SLC25A26: variants seen among roughly 807,000 people sequenced by gnomAD.
The protein encoded by SLC25A26 is mitochondrial S-adenosylmethionine carrier protein.
A neutral mutation model predicts 37.8 loss-of-function variants in SLC25A26; 36 were observed. The observed-to-expected ratio is 0.95, with a 90% CI of 0.73 to 1.26. The LOEUF is 1.26. Ranked by LOEUF, SLC25A26 falls within the 50% of genes most tolerant of loss-of-function variation. SLC25A26 has a pLI of 0.00. For synonymous variants in SLC25A26, 129 were observed against 122.5 expected (o/e 1.05, Z -0.35); for missense variants, 390 against 331.1 (o/e 1.18, Z -1.38).
intron 7 of SLC25A26, among the ~76,000 whole-genome samples, chr3:66,368,893 C>T (rs574986680): frequency 1.5e-4 from 23 of 152,062 alleles, no homozygotes; most frequent in African/African-American, 5.1e-4. Flanking sequence ...TGGTGCGCAG[C>T]TGTAGTCCCA....
At chr3:66,160,676 T>C (rs1576603507) in intron 1 of SLC25A26, among the ~76,000 whole-genome samples, 1 of 152,352 alleles carries the variant, frequency 6.6e-6, no homozygotes, top group Non-Finnish European at 1.5e-5. Flanking sequence ...GGCTCATGCC[T>C]GTAATCCCAG....
At chr3:66,150,601 GAGATATATATATAT>G (rs1423304732) in intron 1 of SLC25A26, among the ~76,000 whole-genome samples, 3 of 40,844 alleles carry the variant, frequency 7.3e-5, no homozygotes, top group Admixed American at 4.2e-4. Context: ...TATATGTAAT[GAGATATATATATAT>G]ATATATATAT....
intron 5 of SLC25A26, among the ~76,000 whole-genome samples, chr3:66,269,332 C>G (rs2073874313): frequency 6.6e-6 from 1 of 152,116 alleles, no homozygotes; most frequent in South Asian, 2.1e-4. Context: ...AATGAGAGGC[C>G]AGACAACTGT....
chr3:66,257,528 T>A (rs910207223), intron 3 of SLC25A26, among the ~76,000 whole-genome samples: 3 of 152,110 alleles, frequency 2.0e-5, no homozygotes, highest in Admixed American at 1.3e-4. Context: ...ACCCCGAGGC[T>A]GAGGGATGGG....
intron 1 of SLC25A26, among the ~76,000 whole-genome samples, chr3:66,206,108 T>A (rs2071172969): frequency 6.6e-6 from 1 of 152,080 alleles, no homozygotes; most frequent in Non-Finnish European, 1.5e-5. Flanking sequence ...ATAGCTCAGT[T>A]GTGCCTGCAA....
At chr3:66,236,449 A>G (rs375491641) in intron 1 of SLC25A26, 95 bp from the exon 2 acceptor site, 21 of 957,256 alleles carry the variant, frequency 2.2e-5, no homozygotes, top group Non-Finnish European at 2.8e-5. Context: ...AATGTGCTTT[A>G]AAGACTGTCT....
intron 1 of SLC25A26, among the ~76,000 whole-genome samples, chr3:66,150,784 G>A (rs753519577): frequency 3.6e-4 from 54 of 150,876 alleles, no homozygotes; most frequent in Middle Eastern, 3.4e-3. Context: ...AGTAGTAAAT[G>A]AAGACATCTC....
At chr3:66,174,204 C>T (rs555751962) in intron 1 of SLC25A26, among the ~76,000 whole-genome samples, 3 of 152,284 alleles carry the variant, frequency 2.0e-5, no homozygotes, top group Admixed American at 2.0e-4. Flanking sequence ...CAGATAGTTC[C>T]TGAACAGCTC....
chr3:66,259,488 C>G (rs575845640), intron 3 of SLC25A26, among the ~76,000 whole-genome samples: 16 of 152,278 alleles, frequency 1.1e-4, no homozygotes, highest in African/African-American at 3.6e-4. Flanking sequence ...CTGCTAATCT[C>G]ATGTTTTGGG....
intron 5 of SLC25A26, among the ~76,000 whole-genome samples, chr3:66,344,242 C>A (rs917921296): frequency 2.6e-5 from 4 of 152,098 alleles, no homozygotes; most frequent in African/African-American, 4.8e-5. Flanking sequence ...GTGGGCGGAT[C>A]ACCTGAGGTC....
At chr3:66,333,890 T>C (rs2076034879) in intron 5 of SLC25A26, among the ~76,000 whole-genome samples, 2 of 151,962 alleles carry the variant, frequency 1.3e-5, no homozygotes, top group Admixed American at 1.3e-4. Flanking sequence ...TTACAGAGAG[T>C]GCAAGTCTTC....
At chr3:66,299,894 G>A (rs1205644755) in intron 5 of SLC25A26, among the ~76,000 whole-genome samples, 1 of 152,096 alleles carries the variant, frequency 6.6e-6, no homozygotes, top group African/African-American at 2.4e-5. Context: ...CATTTTATGG[G>A]TGACATATTT....
At chr3:66,135,130 C>G (rs2069928317) in intron 1 of SLC25A26, among the ~76,000 whole-genome samples, 2 of 152,144 alleles carry the variant, frequency 1.3e-5, no homozygotes, top group Admixed American at 1.3e-4. Context: ...CATGCCCGGC[C>G]TGTCAATATT....
intron 1 of SLC25A26, among the ~76,000 whole-genome samples, chr3:66,201,927 G>C (rs1320822265): frequency 1.3e-5 from 2 of 152,120 alleles, no homozygotes; most frequent in Admixed American, 6.5e-5. Context: ...TAGGACAAAA[G>C]AGTGAAAGCA....
intron 5 of SLC25A26, among the ~76,000 whole-genome samples, chr3:66,309,082 G>T (rs1160675614): frequency 6.6e-6 from 1 of 152,094 alleles, no homozygotes; most frequent in Admixed American, 6.6e-5. Flanking sequence ...TTCTTTTTCT[G>T]TTGTTTGGAA....
chr3:66,175,107 G>GTATATATATA (rs1201695553), intron 1 of SLC25A26, among the ~76,000 whole-genome samples: 1,277 of 78,500 alleles, frequency 0.016, 7 homozygotes, highest in Admixed American at 0.031. Flanking sequence ...ATATGTGTGT[G>GTATATATATA]TGTATATATA....
intron 5 of SLC25A26, among the ~76,000 whole-genome samples, chr3:66,344,857 A>G (rs758352096): frequency 6.6e-6 from 1 of 152,232 alleles, no homozygotes; most frequent in Non-Finnish European, 1.5e-5. Flanking sequence ...TCCTGGGGAT[A>G]GTAGTAGTTA....
intron 5 of SLC25A26, among the ~76,000 whole-genome samples, chr3:66,301,314 T>A (rs1178620130): frequency 6.6e-6 from 1 of 152,250 alleles, no homozygotes; most frequent in African/African-American, 2.4e-5. Flanking sequence ...CAGATTTTTA[T>A]ACAGACTTTT....
At chr3:66,227,300 C>G (rs1054352183) in intron 1 of SLC25A26, among the ~76,000 whole-genome samples, 1 of 152,118 alleles carries the variant, frequency 6.6e-6, no homozygotes, top group Admixed American at 6.5e-5. Context: ...TTCTCTAATA[C>G]CATTTATGTC....
Sources: allele counts gnomAD v4.1 joint callset (sites outside exome capture counted in the v4.1 genomes callset), GRCh38; gene constraint gnomAD v4.1.1; transcripts MANE v1.5; gene names NCBI Gene and HGNC (gene_info 2026-07-23, HGNC 2026-07-21).